Variants in CSTF3 observed in about 807,000 individuals in gnomAD.
CSTF3 encodes cleavage stimulation factor subunit 3.
CSTF3 carries 29 observed loss-of-function variants against 105.8 expected under a neutral mutation model. That is an observed-to-expected ratio of 0.27 (90% confidence interval 0.20 to 0.37). The LOEUF is 0.37. Among genes scored for constraint, CSTF3 ranks in the 10% least tolerant of loss-of-function variants. The probability of loss-of-function intolerance (pLI) is 1.00; values close to 1 mark genes in which losing one functional copy is unlikely to be tolerated. For synonymous variants in CSTF3, 252 were observed against 281.9 expected (o/e 0.89, Z 1.06); for missense variants, 357 against 879.3 (o/e 0.41, Z 7.51).
chr11:33,089,561 A>C (rs557746264), intron 17 of CSTF3, among the ~76,000 whole-genome samples: 1 of 152,332 alleles, frequency 6.6e-6, no homozygotes, highest in African/African-American at 2.4e-5. Context: ...AAGTAGTTAA[A>C]ACTAGAAGCA....
At chr11:33,113,239 AAATAAATG>A (rs1305240671) in intron 3 of CSTF3, among the ~76,000 whole-genome samples, 36 of 140,808 alleles carry the variant, frequency 2.6e-4, no homozygotes, top group Admixed American at 1.4e-3. Context: ...ATAAATAAAT[AAATAAATG>A]AATAAGACCA....
intron 8 of CSTF3, 122 bp from the exon 9 acceptor site, chr11:33,103,306 T>A: frequency 2.0e-6 from 1 of 501,516 alleles, no homozygotes; most frequent in Non-Finnish European, 3.4e-6. Flanking sequence ...TCTTGTTTAA[T>A]AAAGGTTCAT....
intron 3 of CSTF3, among the ~76,000 whole-genome samples, chr11:33,124,585 A>C (rs1590275631): frequency 3.9e-5 from 6 of 152,192 alleles, no homozygotes; most frequent in Admixed American, 3.9e-4. Context: ...CCACCAATTC[A>C]AATTCCAGTA....
rs374023472 is a variant in CSTF3 at position 33,129,115 on chromosome 11, A to C, written c.225+12552T>G. Among the ~76,000 whole-genome samples, 19 of 152,330 alleles carry C rather than the reference A, an allele frequency of 1.2e-4. No individual in the cohort carries two copies. The East Asian group carries it at 3.5e-3, about 28-fold the overall frequency. On this transcript the variant is annotated intron_variant, in intron 3 of 20. Coordinates refer to ENST00000323959, the MANE Select transcript of CSTF3 (RefSeq NM_001326.3). The stretch of plus-strand genomic sequence containing the variant: ...GAAGAACCTGAAAAAAGACATTTTC[A>C]AAGTCTAACTCTGTTGCCCAGGCTG...
intron 1 of CSTF3, among the ~76,000 whole-genome samples, chr11:33,155,982 T>C (rs918592158): frequency 1.3e-5 from 2 of 152,230 alleles, no homozygotes; most frequent in Admixed American, 6.5e-5. Flanking sequence ...CTACATTCCC[T>C]GAAATAATGT....
intron 16 of CSTF3, among the ~76,000 whole-genome samples, chr11:33,091,204 G>A (rs1855165548): frequency 6.6e-6 from 1 of 152,142 alleles, no homozygotes; most frequent in Admixed American, 6.5e-5. Context: ...TATATGAATA[G>A]AAATATACTC....
intron 1 of CSTF3, among the ~76,000 whole-genome samples, chr11:33,154,487 CTTTCTTTTT>C (rs1445473586): frequency 6.5e-5 from 2 of 30,636 alleles, no homozygotes; most frequent in Admixed American, 7.6e-4. Context: ...CTCCGTAAGA[CTTTCTTTTT>C]TTTTTTTTTT....
At position 33,161,310 on chromosome 11, in the gene CSTF3, C is replaced by T; in HGVS notation, c.16G>A (p.Ala6Thr). MSGDG[A>T]TEQAAEYVPE... is the part of the protein sequence containing the mutation. ...CTCTCCTTCCTCACCTGCTCCGTGGCTCCGTCTCCTGACATGGCCTCAGCT... is the reference window on the plus strand; with the variant it reads ...CTCTCCTTCCTCACCTGCTCCGTGGTTCCGTCTCCTGACATGGCCTCAGCT... The change falls in exon 1 of 21, where the codon GCC becomes ACC. Residue 6 changes from alanine (A) to threonine (T), a missense_variant. Ala to Thr is a moderately conservative substitution (Grantham distance 58). Coordinates refer to ENST00000323959, the MANE Select transcript of CSTF3 (RefSeq NM_001326.3). The T allele has an allele frequency of 1.2e-6, 2 of 1,613,290 alleles. No individual in the cohort carries two copies. The highest frequency in any genetic ancestry group is 1.7e-6 in the Non-Finnish European group (2 of 1,180,034).
intron 1 of CSTF3, among the ~76,000 whole-genome samples, chr11:33,150,036 A>C (rs1855837589): frequency 6.8e-6 from 1 of 148,076 alleles, no homozygotes; most frequent in African/African-American, 2.6e-5. Flanking sequence ...AAACAAACAA[A>C]CAACAACAAC....
At chr11:33,154,240 T>C (rs181122203) in intron 1 of CSTF3, among the ~76,000 whole-genome samples, 68 of 152,236 alleles carry the variant, frequency 4.5e-4, no homozygotes, top group Admixed American at 3.9e-3. Context: ...CGCACCTAAT[T>C]ATGACATAAA....
chr11:33,156,663 T>A (rs1849870096), intron 1 of CSTF3: 1 of 452,258 alleles, frequency 2.2e-6, no homozygotes, highest in Non-Finnish European at 4.4e-6. Flanking sequence ...AATTCTAGGA[T>A]AAGTTATACA....
chr11:33,104,862 C>A (rs1855312551), intron 8 of CSTF3, among the ~76,000 whole-genome samples: 1 of 152,200 alleles, frequency 6.6e-6, no homozygotes, highest in African/African-American at 2.4e-5. Flanking sequence ...TGTGAGGGAA[C>A]AATTTCACTA....
chr11:33,105,821 C>A, intron 7 of CSTF3, 62 bp downstream of exon 7: 1 of 1,523,388 alleles, frequency 6.6e-7, no homozygotes. Flanking sequence ...TCTCAAAGAA[C>A]TAAAAATTAT....
At chr11:33,114,917 T>C (rs947458550) in intron 3 of CSTF3, among the ~76,000 whole-genome samples, 1 of 152,068 alleles carries the variant, frequency 6.6e-6, no homozygotes, top group Admixed American at 6.6e-5. Context: ...AGCTTTATAA[T>C]CTAAAGGAAA....
chr11:33,104,390 T>A (rs901892667), intron 8 of CSTF3, among the ~76,000 whole-genome samples: 1 of 152,204 alleles, frequency 6.6e-6, no homozygotes, highest in Non-Finnish European at 1.5e-5. Context: ...ATCCAGCTGT[T>A]TTCTATTACA....
intron 5 of CSTF3, among the ~76,000 whole-genome samples, chr11:33,106,984 A>G (rs1015170831): frequency 1.9e-4 from 29 of 151,968 alleles, no homozygotes; most frequent in African/African-American, 6.5e-4. Context: ...ATAAGACAAT[A>G]AACAGACCAG....
At chr11:33,131,964 A>G (rs1469785620) in intron 3 of CSTF3, among the ~76,000 whole-genome samples, 1 of 152,206 alleles carries the variant, frequency 6.6e-6, no homozygotes, top group Non-Finnish European at 1.5e-5. Flanking sequence ...TAAGCAGAGT[A>G]ATATAAAGCA....
chr11:33,127,502 ATTC>A (rs1373818386), intron 3 of CSTF3, among the ~76,000 whole-genome samples: 4 of 152,166 alleles, frequency 2.6e-5, no homozygotes, highest in Non-Finnish European at 5.9e-5. Context: ...ACATCAACAC[ATTC>A]TTATTTATAT....
intron 3 of CSTF3, among the ~76,000 whole-genome samples, chr11:33,121,238 CAAG>C (rs1347776073): frequency 2.0e-5 from 3 of 152,048 alleles, no homozygotes; most frequent in East Asian, 1.9e-4. Context: ...CCAGGAGAAT[CAAG>C]AAGATTTAGA....
Sources: allele counts gnomAD v4.1 joint callset (sites outside exome capture counted in the v4.1 genomes callset), GRCh38; gene constraint gnomAD v4.1.1; transcripts MANE v1.5; gene names NCBI Gene and HGNC (gene_info 2026-07-23, HGNC 2026-07-21).